The following HM13 variants were observed in gnomAD, a reference collection of about 807,000 sequenced individuals.
HM13 encodes signal peptide peptidase.
In HM13, 18 loss-of-function variants were observed where a neutral mutation model predicts 50.0. That is an observed-to-expected ratio of 0.36 (90% CI 0.25 to 0.53). HM13 has a LOEUF of 0.53. Among genes scored for constraint, HM13 ranks in the 20% least tolerant of loss-of-function variants. HM13 has a pLI of 0.90. For missense variants in HM13, 393 were observed against 552.4 expected (o/e 0.71, Z 2.89); for synonymous variants, 197 against 232.6 (o/e 0.85, Z 1.39).
Position 31,559,659 on chromosome 20 carries a change from A to C in HM13, c.845+12A>C. The C allele has an allele frequency of 6.2e-7, 1 of 1,613,908 alleles. No homozygotes were observed. The highest frequency in any genetic ancestry group is 8.5e-7 in the Non-Finnish European group (1 of 1,179,814). On this transcript the variant is annotated intron_variant, in intron 9 of 12. Coordinates refer to ENST00000398174, the MANE Select transcript of HM13 (RefSeq NM_178581.3). ...CGCTTTGACATCAGGTGAGTGAGTG[A>C]GGGCCTGCCCCAGCATGGGCTTCTC...
At chr20:31,557,445 C>T (rs1460580819) in intron 8 of HM13, among the ~76,000 whole-genome samples, 1 of 152,192 alleles carries the variant, frequency 6.6e-6, no homozygotes, top group African/African-American at 2.4e-5. Context: ...AAGTTGATCA[C>T]AGTGGAGCGT....
At chr20:31,533,078 G>A (rs895277375) in intron 2 of HM13, among the ~76,000 whole-genome samples, 1 of 152,164 alleles carries the variant, frequency 6.6e-6, no homozygotes, top group Non-Finnish European at 1.5e-5. Context: ...GCTCCTCCTG[G>A]CCTCCCCCCT....
intron 3 of HM13, chr20:31,539,120 A>T: frequency 1.0e-6 from 1 of 985,398 alleles, no homozygotes; most frequent in Non-Finnish European, 1.2e-6. Context: ...TTCAGTGGGG[A>T]GAGTGGTTCA....
chr20:31,528,858 C>A (rs1182440186), intron 2 of HM13, among the ~76,000 whole-genome samples: 1 of 152,228 alleles, frequency 6.6e-6, no homozygotes. Flanking sequence ...GATCCTCCCA[C>A]CTCTCCCTCC....
chr20:31,560,511 A>G (rs1462097176), intron 9 of HM13, among the ~76,000 whole-genome samples: 2 of 152,228 alleles, frequency 1.3e-5, no homozygotes, highest in East Asian at 3.8e-4. Context: ...GTGCCACTTC[A>G]AACCTTAGGA....
chr20:31,561,740 G>C lies in HM13; in HGVS notation c.948+4G>C, dbSNP rs749656704. On this transcript the variant is annotated splice_donor_region_variant and intron_variant, in intron 10 of 12. Transcript: ENST00000398174. ...GCACATCTTCAAGCATGCTCAGGTG[G>C]GCAGGACGGTATCAGAGTGTCAGGA... 2.5e-6 allele frequency: 4 copies of C among 1,589,976 alleles called. No individual in the cohort carries two copies. The highest frequency in any genetic ancestry group is 3.5e-6 in the Non-Finnish European group (4 of 1,157,998).
intron 4 of HM13, chr20:31,547,683 A>C (rs1983803691): frequency 2.1e-6 from 3 of 1,422,886 alleles, no homozygotes; most frequent in East Asian, 2.3e-5. Flanking sequence ...AACATACAGA[A>C]ATCCTTACCG....
chr20:31,546,852 C>T (rs1024040618), intron 4 of HM13, among the ~76,000 whole-genome samples: 1 of 151,734 alleles, frequency 6.6e-6, no homozygotes, highest in African/African-American at 2.4e-5. Context: ...CACTTGAGCC[C>T]TGGAGTTCGA....
chr20:31,537,060 A>G (rs1258928286), intron 2 of HM13, among the ~76,000 whole-genome samples: 1 of 152,266 alleles, frequency 6.6e-6, no homozygotes, highest in Non-Finnish European at 1.5e-5. Context: ...TTATTGTCTC[A>G]TAGAAACTAT....
chr20:31,544,512 G>C lies in HM13; in HGVS notation c.366-435G>C, dbSNP rs551414437. ...AGAATGTCAAGTCATGGAGTGGGGT[G>C]GGGGTGACTGTCAGGTCATCTAACT... On this transcript the variant is annotated intron_variant, in intron 3 of 12. Transcript: ENST00000398174. Among the ~76,000 whole-genome samples the C allele has an allele frequency of 5.3e-5, 8 of 152,296 alleles. No individual in the cohort carries two copies. In the South Asian group the frequency reaches 1.7e-3, roughly 32 times the overall value.
chr20:31,547,442 A>T (rs1983789685), intron 4 of HM13: 4 of 536,186 alleles, frequency 7.5e-6, no homozygotes, highest in South Asian at 2.4e-5. Flanking sequence ...CCTGCAGGGG[A>T]CTCCACCGGA....
intron 10 of HM13, among the ~76,000 whole-genome samples, chr20:31,563,812 C>T (rs907561360): frequency 1.3e-5 from 2 of 152,060 alleles, no homozygotes; most frequent in Non-Finnish European, 2.9e-5. Flanking sequence ...CGTGGTGGCT[C>T]ACACCTGTAA....
chr20:31,543,216 A>G (rs1271805330), intron 3 of HM13, among the ~76,000 whole-genome samples: 1 of 152,202 alleles, frequency 6.6e-6, no homozygotes. Flanking sequence ...CCCATCATTC[A>G]TACCACAGCC....
At chr20:31,545,124 A>ATTG in intron 4 of HM13, 89 bp downstream of exon 4, 8 of 987,876 alleles carry the variant, frequency 8.1e-6, no homozygotes, top group Non-Finnish European at 1.3e-5. Context: ...GTTCTCCAAT[A>ATTG]GAGCAACTGA....
intron 7 of HM13, 156 bp from the exon 8 acceptor site, chr20:31,554,590 G>C: frequency 1.7e-6 from 1 of 581,870 alleles, no homozygotes; most frequent in Non-Finnish European, 3.0e-6. Context: ...GCTGAGGCGG[G>C]AGAATGGCAT....
chr20:31,558,560 C>T (rs58875461), intron 8 of HM13, among the ~76,000 whole-genome samples: 41,510 of 151,676 alleles, frequency 0.27, 8,559 homozygotes, highest in African/African-American at 0.58. Flanking sequence ...CTCCTCCTGG[C>T]GTGTGGCATT....
intron 3 of HM13, chr20:31,539,651 C>A: frequency 3.6e-6 from 1 of 275,066 alleles, no homozygotes; most frequent in Non-Finnish European, 5.5e-6. Flanking sequence ...AAAAAATTAG[C>A]TGGGCATGGT....
chr20:31,517,510 C>T (rs151039038), intron 1 of HM13, among the ~76,000 whole-genome samples: 76 of 152,232 alleles, frequency 5.0e-4, no homozygotes, highest in Non-Finnish European at 9.0e-4. Flanking sequence ...CCAAGCCCTG[C>T]CCTCACTGAG....
Position 31,514,827 on chromosome 20 carries a change from G to A in HM13, c.183+93G>A. On this transcript the variant is annotated intron_variant, in intron 1 of 12. Coordinates refer to ENST00000398174, the MANE Select transcript of HM13 (RefSeq NM_178581.3). This position sits in a 1 kb window ranked among gnomAD's most constrained non-coding sequence, Gnocchi z 4.3. Reference sequence around the variant, plus strand: ...TAGGCGGGACAGACACCTCTCCCCGGACACTGACTCTTCCCAGCCCTGATC... The same window carrying A: ...TAGGCGGGACAGACACCTCTCCCCGAACACTGACTCTTCCCAGCCCTGATC... The A allele has an allele frequency of 3.4e-6, 4 of 1,176,660 alleles. No individual in the cohort carries two copies. In the Admixed American group the frequency reaches 1.1e-4, roughly 33 times the overall value. The allele number at this position is 1,176,660 out of a possible 1,614,324, so 72.9% of individuals were successfully genotyped here.
Sources: allele counts gnomAD v4.1 joint callset (sites outside exome capture counted in the v4.1 genomes callset), GRCh38; gene constraint gnomAD v4.1.1; non-coding constraint Gnocchi (gnomAD v3.1); transcripts MANE v1.5; gene names NCBI Gene and HGNC (gene_info 2026-07-23, HGNC 2026-07-21).